DLG1: variants seen among roughly 807,000 people sequenced by gnomAD.
DLG1 encodes discs large MAGUK scaffold protein 1, also known as disks large homolog 1.
Under a neutral mutation model 123.4 loss-of-function variants are expected in DLG1, and 42 were observed. The ratio of observed to expected loss-of-function variants is 0.34; its 90% CI spans 0.27 to 0.44. The LOEUF (loss-of-function observed/expected upper bound fraction) is 0.44, where lower values mean the gene tolerates loss of function less well. Ranked by LOEUF, DLG1 falls within the 20% of genes least tolerant of loss-of-function variation. The pLI, the probability that DLG1 is intolerant of heterozygous loss-of-function variation, is 1.00. For synonymous variants in DLG1, 317 were observed against 356.2 expected, an observed-to-expected ratio of 0.89 and a Z score of 1.24; for missense variants, 942 against 1,082.6, an observed-to-expected ratio of 0.87 and a Z score of 1.82.
intron 5 of DLG1, among the ~76,000 whole-genome samples, chr3:197,153,285 T>C (rs1794840854): frequency 6.6e-6 from 1 of 152,198 alleles, no homozygotes; most frequent in Non-Finnish European, 1.5e-5. Flanking sequence ...CAAATCTGTT[T>C]CTCCACCTTG....
intron 4 of DLG1, among the ~76,000 whole-genome samples, chr3:197,228,764 G>T (rs1224273122): frequency 6.6e-6 from 1 of 152,026 alleles, no homozygotes; most frequent in Non-Finnish European, 1.5e-5. Context: ...GATACATTCA[G>T]CCAAATAGTA....
At chr3:197,179,005 C>A (rs138584389) in intron 5 of DLG1, among the ~76,000 whole-genome samples, 2 of 152,192 alleles carry the variant, frequency 1.3e-5, no homozygotes, top group Non-Finnish European at 2.9e-5. Context: ...AAAGGGACTA[C>A]GATCTAGTAC....
chr3:197,147,657 T>G (rs576681428), intron 6 of DLG1, among the ~76,000 whole-genome samples: 1 of 151,956 alleles, frequency 6.6e-6, no homozygotes, highest in East Asian at 1.9e-4. Context: ...ACATTGGCAT[T>G]TGGGGACTCG....
In DLG1 at chr3:197,282,812, T is replaced by C. The variant is rs1293912265; in HGVS notation, c.185A>G (p.Asp62Gly). Reference protein sequence around the residue: ...IQEFYEVTLLDNPKCIDRSKP... With the variant: ...IQEFYEVTLLGNPKCIDRSKP... ...TGAACGATCTATACATTTTGGATTA[T>C]CCAGTAAGGTCACTTCATAAAATTC... is the stretch of plus-strand genomic sequence containing the variant. The change falls in exon 4 of 25, where the codon GAT becomes GGT. Residue 62 changes from aspartate (D) to glycine (G), a missense_variant. Coordinates refer to ENST00000667157, the MANE Select transcript of DLG1 (RefSeq NM_001366207.1). The C allele has an allele frequency of 1.3e-6, 2 of 1,590,960 alleles. No homozygotes were observed. The highest frequency in any genetic ancestry group is 1.7e-6 in the Non-Finnish European group (2 of 1,168,770).
chr3:197,245,159 G>C (rs574620601), intron 4 of DLG1, among the ~76,000 whole-genome samples: 1 of 152,096 alleles, frequency 6.6e-6, no homozygotes, highest in Non-Finnish European at 1.5e-5. Flanking sequence ...TGGGTGCCAG[G>C]GGGTATGGTA....
At position 197,269,145 on chromosome 3, in the gene DLG1, TAGTAACATAATTGTTAATATTTATCA is replaced by T. The variant is rs566384163; in HGVS notation, c.318+13508_318+13533del. Among the ~76,000 whole-genome samples, 169 of 152,362 alleles carry T rather than the reference TAGTAACATAATTGTTAATATTTATCA, an allele frequency of 1.1e-3. 1 individual carries two copies. The highest frequency in any genetic ancestry group is 3.6e-3 in the African/African-American group (151 of 41,590). ...ACTACTAAAAGTACAGTAGATAAAC[TAGTAACATAATTGTTAATATTTATCA>T]AGTATTATGTACTGTACCTAATTAT... On this transcript the variant is annotated intron_variant, in intron 4 of 24. Transcript: ENST00000667157.
chr3:197,218,547 C>T (rs149267579), intron 4 of DLG1, among the ~76,000 whole-genome samples: 82 of 152,292 alleles, frequency 5.4e-4, no homozygotes, highest in East Asian at 1.9e-4. Flanking sequence ...TTCCTTAAAA[C>T]GTACTATCAA....
At position 197,119,496 on chromosome 3, in the gene DLG1, T is replaced by A; in HGVS notation, c.1200A>T (p.Pro400=). 1.2e-6 allele frequency: 2 copies of A among 1,611,570 alleles called. No individual in the cohort carries two copies. Among genetic ancestry groups the A allele is most frequent in the Non-Finnish European group, 1.7e-6 (2 of 1,178,290 alleles). ...SSQPVDNHVS[P]SSFLGQTPAS... ...CTGGTGTCTGGCCCAAGAAGGAAGA[T>A]GGGCTAACATGGTTATCAACAGGCT... Residue 400 remains proline, a synonymous_variant, in exon 12 of 25, where the codon CCA becomes CCT. Coordinates refer to ENST00000667157, the MANE Select transcript of DLG1 (RefSeq NM_001366207.1).
At chr3:197,232,740 T>G (rs1430289717) in intron 4 of DLG1, among the ~76,000 whole-genome samples, 1 of 150,866 alleles carries the variant, frequency 6.6e-6, no homozygotes, top group Non-Finnish European at 1.5e-5. Context: ...AAAATTACCA[T>G]CTATCTGGCA....
At chr3:197,178,162 G>A (rs1213987202) in intron 5 of DLG1, among the ~76,000 whole-genome samples, 1 of 152,062 alleles carries the variant, frequency 6.6e-6, no homozygotes, top group Non-Finnish European at 1.5e-5. Flanking sequence ...GGAGTGAAGG[G>A]GTGCTACCTT....
At chr3:197,230,035 A>C (rs1198302837) in intron 4 of DLG1, among the ~76,000 whole-genome samples, 1 of 152,222 alleles carries the variant, frequency 6.6e-6, no homozygotes, top group Non-Finnish European at 1.5e-5. Flanking sequence ...CCAAGGTTAG[A>C]TATTTGGCGA....
chr3:197,112,394 T>C (rs1175336899), intron 13 of DLG1, among the ~76,000 whole-genome samples: 1 of 152,216 alleles, frequency 6.6e-6, no homozygotes, highest in African/African-American at 2.4e-5. Context: ...GTTAAGCACC[T>C]TTTCATGTGC....
chr3:197,155,235 TCAGA>T (rs898618047), intron 5 of DLG1, among the ~76,000 whole-genome samples: 1 of 152,102 alleles, frequency 6.6e-6, no homozygotes, highest in African/African-American at 2.4e-5. Flanking sequence ...AGACTTCACA[TCAGA>T]CACTCTGGAG....
chr3:197,053,459 GGCCTCCA>G (rs1227402160), intron 23 of DLG1, among the ~76,000 whole-genome samples: 3 of 151,106 alleles, frequency 2.0e-5, no homozygotes, highest in African/African-American at 7.3e-5. Flanking sequence ...ACTGTTTTCT[GGCCTCCA>G]GAGTTTCTGA....
At chr3:197,158,152 A>C (rs1308479179) in intron 5 of DLG1, among the ~76,000 whole-genome samples, 2 of 152,204 alleles carry the variant, frequency 1.3e-5, no homozygotes, top group Non-Finnish European at 2.9e-5. Context: ...TTCCCAAAGA[A>C]GACACACACA....
intron 4 of DLG1, among the ~76,000 whole-genome samples, chr3:197,241,833 A>G (rs1382157320): frequency 1.3e-5 from 2 of 152,194 alleles, no homozygotes; most frequent in Admixed American, 6.5e-5. Context: ...GCAAAAACCT[A>G]TAACAAATTC....
intron 18 of DLG1, chr3:197,076,013 T>C: frequency 1.9e-6 from 1 of 537,164 alleles, no homozygotes; most frequent in Non-Finnish European, 3.1e-6. Flanking sequence ...CATTTTTACA[T>C]ATTTCTAGAA....
intron 5 of DLG1, among the ~76,000 whole-genome samples, chr3:197,181,089 C>T (rs927805267): frequency 2.6e-5 from 4 of 152,050 alleles, no homozygotes; most frequent in Non-Finnish European, 4.4e-5. Context: ...AACATGAATA[C>T]CTCCAGCAGA....
At chr3:197,085,301 G>T in intron 16 of DLG1, 1 of 392,466 alleles carries the variant, frequency 2.5e-6, no homozygotes, top group Non-Finnish European at 4.7e-6. Context: ...CTTACATGTT[G>T]GAGGTGCAGA....
Sources: allele counts gnomAD v4.1 joint callset (sites outside exome capture counted in the v4.1 genomes callset), GRCh38; gene constraint gnomAD v4.1.1; transcripts MANE v1.5; gene names NCBI Gene and HGNC (gene_info 2026-07-23, HGNC 2026-07-21).